SLC5A4: variants seen among roughly 807,000 people sequenced by gnomAD.
SLC5A4 encodes probable glucose sensor protein SLC5A4.
A neutral mutation model predicts 70.3 loss-of-function variants in SLC5A4; 55 were observed. The observed-to-expected ratio is 0.78, with a 90% CI of 0.63 to 0.98. The LOEUF (loss-of-function observed/expected upper bound fraction) is 0.98. Among genes scored for constraint, SLC5A4 ranks in the 50% least tolerant of loss-of-function variants. The probability of loss-of-function intolerance (pLI) is 0.00; values close to 1 mark genes in which losing one functional copy is unlikely to be tolerated. For synonymous variants in SLC5A4, 268 were observed against 305.7 expected (o/e 0.88, Z 1.29); for missense variants, 735 against 839.2 (o/e 0.88, Z 1.53).
At chr22:32,307,049 A>T in the SLC5A4 span, among the ~76,000 whole-genome samples, 16 of 152,238 alleles carry the variant, frequency 1.1e-4, no homozygotes, top group African/African-American at 3.9e-4. Context: ...AGGGTCATTC[A>T]ACAGGGTACC....
intron 11 of SLC5A4, 46 bp from the exon 12 acceptor site, chr22:32,225,869 A>G (rs1347025461): frequency 7.6e-7 from 1 of 1,317,676 alleles, no homozygotes. Context: ...AAAGCACTAT[A>G]GTTACTTCCA....
chr22:32,277,439 A>G, the SLC5A4 span, among the ~76,000 whole-genome samples: 2 of 152,232 alleles, frequency 1.3e-5, no homozygotes, highest in Admixed American at 6.5e-5. Flanking sequence ...TAACAAAATT[A>G]TCCTGAAATT....
intron 10 of SLC5A4, among the ~76,000 whole-genome samples, chr22:32,230,737 A>C (rs1167498945): frequency 1.3e-5 from 2 of 152,250 alleles, no homozygotes; most frequent in Non-Finnish European, 2.9e-5. Flanking sequence ...GCTGCCTCAG[A>C]AAACAGTCTT....
At chr22:32,342,927 A>G in the SLC5A4 span, 3 of 152,310 alleles carry the variant, frequency 2.0e-5, no homozygotes, top group Admixed American at 6.5e-5. Context: ...TTTTCCCCCA[A>G]TCCCTGCCAT....
chr22:32,277,871 T>A, the SLC5A4 span, among the ~76,000 whole-genome samples: 1 of 152,134 alleles, frequency 6.6e-6, no homozygotes, highest in African/African-American at 2.4e-5. Flanking sequence ...TATTTTAAAG[T>A]TCTATTTCAA....
At chr22:32,298,828 G>A in the SLC5A4 span, among the ~76,000 whole-genome samples, 1 of 113,534 alleles carries the variant, frequency 8.8e-6, no homozygotes, top group Non-Finnish European at 1.8e-5. Context: ...CTTCCTTCAG[G>A]AGCTCTTGTA....
rs752846834 is a variant in SLC5A4 at position 32,251,773 on chromosome 22, C to G, written c.309G>C (p.Trp103Cys). 6.3e-7 allele frequency: 1 copy of G among 1,588,060 alleles called. No individual in the cohort carries two copies. The highest frequency in any genetic ancestry group is 8.6e-7 in the Non-Finnish European group (1 of 1,156,294). ...ASGVATVTFE[W>C]TSSVMLLILG... ...AAAAGCCTATGATGTCACTTACAGT[C>G]CATTCAAATGTTACGGTGGCGACTC... Residue 103 changes from tryptophan to cysteine, a missense_variant, in exon 3 of 15, where the codon TGG becomes TGC. Trp to Cys is a radical substitution (Grantham distance 215, BLOSUM62 -2). Transcript: ENST00000266086.
At chr22:32,269,156 G>A in the SLC5A4 span, among the ~76,000 whole-genome samples, 1 of 152,180 alleles carries the variant, frequency 6.6e-6, no homozygotes, top group Non-Finnish European at 1.5e-5. The surrounding 1 kb of genome is among the most constrained non-coding windows in gnomAD (Gnocchi z 4.1). Context: ...CTCCCAAAGT[G>A]CTGGGATTAC....
the SLC5A4 span, among the ~76,000 whole-genome samples, chr22:32,301,842 CAAAAA>C: frequency 1.2e-3 from 183 of 147,920 alleles, 1 homozygote; most frequent in East Asian, 0.032. Context: ...ATTTAAAGTA[CAAAAA>C]AAAAAAAACC....
At chr22:32,284,661 A>C in the SLC5A4 span, 1 of 152,222 alleles carries the variant, frequency 6.6e-6, no homozygotes, top group Admixed American at 6.5e-5. Flanking sequence ...ACCATATTCT[A>C]TTGATCACAA....
chr22:32,242,443 C>A (rs1223249527), intron 5 of SLC5A4, among the ~76,000 whole-genome samples: 2 of 152,224 alleles, frequency 1.3e-5, no homozygotes, highest in African/African-American at 4.8e-5. Flanking sequence ...GGCGTGGTGG[C>A]TCATGCCTGT....
At chr22:32,275,944 G>A in the SLC5A4 span, among the ~76,000 whole-genome samples, 1 of 152,124 alleles carries the variant, frequency 6.6e-6, no homozygotes, top group Admixed American at 6.6e-5. Flanking sequence ...TTGTGGTTTT[G>A]ATTTGCATTT....
the SLC5A4 span, among the ~76,000 whole-genome samples, chr22:32,337,196 C>T: frequency 6.6e-6 from 1 of 152,196 alleles, no homozygotes; most frequent in African/African-American, 2.4e-5. Flanking sequence ...TGGCTATCAT[C>T]GCCCTGGGTG....
At chr22:32,306,214 C>G in the SLC5A4 span, among the ~76,000 whole-genome samples, 2 of 152,102 alleles carry the variant, frequency 1.3e-5, no homozygotes, top group Non-Finnish European at 2.9e-5. Flanking sequence ...GCCTGTAATC[C>G]CAGCACTTTG....
At chr22:32,290,488 T>C in the SLC5A4 span, among the ~76,000 whole-genome samples, 1 of 152,252 alleles carries the variant, frequency 6.6e-6, no homozygotes, top group African/African-American at 2.4e-5. Context: ...TCTATTTTTC[T>C]AATATCAGCT....
At chr22:32,311,968 G>A in the SLC5A4 span, among the ~76,000 whole-genome samples, 550 of 152,174 alleles carry the variant, frequency 3.6e-3, 3 homozygotes, top group African/African-American at 9.7e-3. Context: ...GCCATGTGGC[G>A]CCTGGGCACC....
At chr22:32,264,397 A>AC in the SLC5A4 span, among the ~76,000 whole-genome samples, 2 of 151,364 alleles carry the variant, frequency 1.3e-5, no homozygotes, top group South Asian at 2.1e-4. Flanking sequence ...ACATGGTGAG[A>AC]CCCCCATCTC....
the SLC5A4 span, among the ~76,000 whole-genome samples, chr22:32,327,886 G>C: frequency 6.6e-6 from 1 of 152,156 alleles, no homozygotes; most frequent in African/African-American, 2.4e-5. Flanking sequence ...GCCGGGATGG[G>C]GCACCTCGGG....
the SLC5A4 span, among the ~76,000 whole-genome samples, chr22:32,333,206 C>CCAA: frequency 6.6e-6 from 1 of 150,386 alleles, no homozygotes; most frequent in Non-Finnish European, 1.5e-5. Flanking sequence ...ACCCCCCCCC[C>CCAA]AGAAGACTCA....
Sources: allele counts gnomAD v4.1 joint callset (sites outside exome capture counted in the v4.1 genomes callset), GRCh38; gene constraint gnomAD v4.1.1; non-coding constraint Gnocchi (gnomAD v3.1); transcripts MANE v1.5; gene names NCBI Gene and HGNC (gene_info 2026-07-23, HGNC 2026-07-21).